The following SYNE1 variants were observed in gnomAD, a reference collection of about 807,000 sequenced individuals.
The protein encoded by SYNE1 is nesprin-1.
Under a neutral mutation model 1,111.0 loss-of-function variants are expected in SYNE1, and 616 were observed. The observed-to-expected ratio is 0.55, with a 90% CI of 0.52 to 0.59. The LOEUF (loss-of-function observed/expected upper bound fraction) is 0.59, where lower values mean the gene tolerates loss of function less well. Among genes scored for constraint, SYNE1 ranks in the 20% least tolerant of loss-of-function variants. The pLI, the probability that SYNE1 is intolerant of heterozygous loss-of-function variation, is 0.00. For missense variants in SYNE1, 10,006 were observed against 10,417.0 expected (o/e 0.96, Z 1.72); for synonymous variants, 3,855 against 3,825.8 (o/e 1.01, Z -0.28).
intron 14 of SYNE1, among the ~76,000 whole-genome samples, chr6:152,482,760 C>T (rs777046470): frequency 2.6e-5 from 4 of 151,970 alleles, no homozygotes; most frequent in African/African-American, 9.7e-5. Context: ...AGCCAATGGC[C>T]GGCCACATTA....
intron 3 of SYNE1, among the ~76,000 whole-genome samples, chr6:152,549,893 A>G (rs2099331235): frequency 6.6e-6 from 1 of 152,196 alleles, no homozygotes; most frequent in African/African-American, 2.4e-5. Context: ...TTAAAGTTAT[A>G]TTTGCAAAAT....
chr6:152,373,995 T>G (rs1431853860), intron 58 of SYNE1, among the ~76,000 whole-genome samples: 1 of 152,186 alleles, frequency 6.6e-6, no homozygotes, highest in Admixed American at 6.5e-5. Context: ...AGAAGCACAA[T>G]TCTCCCTAGG....
At chr6:152,367,196 A>G (rs781545408) in intron 62 of SYNE1, 22 bp downstream of exon 62, 3 of 1,614,060 alleles carry the variant, frequency 1.9e-6, no homozygotes, top group East Asian at 2.2e-5. Flanking sequence ...GGTTGGAGAT[A>G]TTTCTGTGTA....
intron 128 of SYNE1, among the ~76,000 whole-genome samples, chr6:152,187,434 G>A (rs1335595792): frequency 6.6e-6 from 1 of 152,108 alleles, no homozygotes; most frequent in Non-Finnish European, 1.5e-5. Context: ...GAGGATGGGA[G>A]ACAAAAGAGA....
intron 50 of SYNE1, among the ~76,000 whole-genome samples, chr6:152,396,069 C>T (rs369712550): frequency 1.3e-5 from 2 of 152,144 alleles, no homozygotes; most frequent in African/African-American, 4.8e-5. Flanking sequence ...ATTCTCATGT[C>T]AATGTGCACT....
rs147926396 is a variant in SYNE1 at position 152,549,492 on chromosome 6, C to G, written c.68-9471G>C. 6.6e-5 allele frequency among the ~76,000 whole-genome samples: 10 copies of G among 152,302 alleles called. No homozygotes were observed. In the East Asian group the frequency reaches 1.9e-3, roughly 29 times the overall value. ...GGGGTCCTTCTCCTCCTCCCTCACT[C>G]TGTTTTCCATAATGAAAAGATTCTA... On this transcript the variant is annotated intron_variant, in intron 3 of 145. Coordinates refer to ENST00000367255, the MANE Select transcript of SYNE1 (RefSeq NM_182961.4).
At chr6:152,325,923 A>G in intron 80 of SYNE1, 35 bp downstream of exon 80, 1 of 1,613,444 alleles carries the variant, frequency 6.2e-7, no homozygotes. Flanking sequence ...TAATTATAGA[A>G]AAAGGATTTT....
chr6:152,359,581 T>C (rs371261180), intron 64 of SYNE1, 123 bp from the exon 65 acceptor site: 1 of 1,172,104 alleles, frequency 8.5e-7, no homozygotes, highest in Non-Finnish European at 1.2e-6. Context: ...ATTCGTCCAC[T>C]CCTCCATCAT....
chr6:152,261,957 T>C, intron 101 of SYNE1, 75 bp downstream of exon 101: 1 of 1,236,502 alleles, frequency 8.1e-7, no homozygotes, highest in Non-Finnish European at 1.1e-6. Context: ...TTAAGTTGAT[T>C]GCACAGTTAT....
chr6:152,306,856 A>G (rs1388145946), intron 91 of SYNE1, among the ~76,000 whole-genome samples: 1 of 147,252 alleles, frequency 6.8e-6, no homozygotes, highest in African/African-American at 2.5e-5. Context: ...GTGAGCCATG[A>G]TCTTGCCACT....
intron 22 of SYNE1, among the ~76,000 whole-genome samples, chr6:152,457,498 A>T (rs1048059368): frequency 1.3e-5 from 2 of 152,118 alleles, no homozygotes; most frequent in African/African-American, 4.8e-5. Flanking sequence ...AAACCAAATA[A>T]CCCAATTAAC....
At position 152,309,885 on chromosome 6, in the gene SYNE1, C is replaced by T; in HGVS notation, c.17152G>A (p.Glu5718Lys). ...GCGGTGTGCTGCAGCCGGCTGGCCT[C>T]TTCCTGCAGCCGCAGAGCAGCATGA... Reference protein sequence around the residue: ...LCHAALRLQEEASRLQHTAIQ... With the variant: ...LCHAALRLQEKASRLQHTAIQ... The change falls in exon 90 of 146, where the codon GAG (glutamate) becomes AAG (lysine). Residue 5718 changes from glutamate to lysine, a missense_variant. By Grantham distance (56) the Glu-to-Lys change is moderately conservative (BLOSUM62 1). Around this residue, in one of 7 missense-constraint regions of SYNE1, gnomAD observed 4,955 missense variants for 5,017.2 expected, o/e 0.99. Transcript: ENST00000367255. The T allele has an allele frequency of 6.2e-7, 1 of 1,614,122 alleles. No individual in the cohort carries two copies. The highest frequency in any genetic ancestry group is 8.5e-7 in the Non-Finnish European group (1 of 1,180,046).
chr6:152,557,240 G>T (rs1039370143), intron 3 of SYNE1, among the ~76,000 whole-genome samples: 1 of 152,048 alleles, frequency 6.6e-6, no homozygotes, highest in Non-Finnish European at 1.5e-5. Context: ...TTGAAGACAG[G>T]CTTGACATTA....
chr6:152,512,381 C>T (rs927282421), intron 6 of SYNE1, among the ~76,000 whole-genome samples: 3 of 152,060 alleles, frequency 2.0e-5, no homozygotes, highest in African/African-American at 7.2e-5. Flanking sequence ...AAATAAAGAA[C>T]ATCAATTTTT....
intron 42 of SYNE1, among the ~76,000 whole-genome samples, chr6:152,409,989 A>G (rs1039991332): frequency 1.4e-4 from 22 of 152,338 alleles, no homozygotes; most frequent in Middle Eastern, 3.4e-3. Flanking sequence ...GAAGCAATAT[A>G]TGTTCTTGCC....
intron 33 of SYNE1, 97 bp from the exon 34 acceptor site, chr6:152,434,042 C>A: frequency 9.0e-7 from 1 of 1,109,044 alleles, no homozygotes; most frequent in Admixed American, 2.4e-5. Flanking sequence ...ATAATGAAGA[C>A]ATTTGTGACC....
rs866628439 is a variant in SYNE1, at chr6:152,613,832, C to T, written c.67+14433G>A. On this transcript the variant is annotated intron_variant, in intron 3 of 145. Transcript: ENST00000367255. ...AACAGAGCCCTCAGAAATAACACCA[C>T]ACATCTACAACCATCTGATCTTTGA... Among the ~76,000 whole-genome samples the T allele has an allele frequency of 5.5e-4, 84 of 152,284 alleles. 1 individual carries two copies. In the Middle Eastern group the frequency reaches 0.01, roughly 18 times the overall value.
intron 20 of SYNE1, 82 bp downstream of exon 20, chr6:152,462,656 T>C: frequency 6.4e-7 from 1 of 1,565,214 alleles, no homozygotes; most frequent in Non-Finnish European, 8.8e-7. Flanking sequence ...CAGAAACAGC[T>C]TTTGCAATGA....
rs1167384492 is a variant in SYNE1, at chr6:152,318,434, A to T, written c.16390-171T>A. 4 of 717,176 alleles carry T rather than the reference A, an allele frequency of 5.6e-6. No homozygotes were observed. In the East Asian group the frequency reaches 1.1e-4, roughly 19 times the overall value. The allele number at this position is 717,176 out of a possible 1,614,324, so 44.4% of individuals were successfully genotyped here. A position where few individuals can be genotyped will look rare whatever the true frequency, so the allele number is the denominator to read the frequency against. ...TCTTCGGTTGGAAAGGCAGGGCAGG[A>T]TATGTTGTAATGCTGGTGTTTATTT... On this transcript the variant is annotated intron_variant, in intron 85 of 145. Transcript: ENST00000367255.
Sources: allele counts gnomAD v4.1 joint callset (sites outside exome capture counted in the v4.1 genomes callset), GRCh38; gene constraint gnomAD v4.1.1; regional missense constraint gnomAD v4.1.1; transcripts MANE v1.5; gene names NCBI Gene and HGNC (gene_info 2026-07-23, HGNC 2026-07-21).